GLIS3: variants seen among roughly 807,000 people sequenced by gnomAD.
GLIS3 encodes the protein GLIS family zinc finger 3.
GLIS3 carries 53 observed loss-of-function variants against 78.6 expected under a neutral mutation model. The ratio of observed to expected loss-of-function variants is 0.67; its 90% CI spans 0.54 to 0.85. The LOEUF is 0.85. Among genes scored for constraint, GLIS3 ranks in the 40% least tolerant of loss-of-function variants. The pLI is 0.00. For missense variants in GLIS3, 1,703 were observed against 1,231.1 expected (o/e 1.38, Z -5.74); for synonymous variants, 684 against 509.9 (o/e 1.34, Z -4.60).
At chr9:4,355,622 C>T in the GLIS3 span, among the ~76,000 whole-genome samples, 1 of 152,172 alleles carries the variant, frequency 6.6e-6, no homozygotes, top group Non-Finnish European at 1.5e-5. Flanking sequence ...CAAGCTTTAT[C>T]ACCTTTGGAA....
intron 2 of GLIS3, among the ~76,000 whole-genome samples, chr9:4,229,293 C>G (rs563525382): frequency 2.1e-4 from 32 of 152,260 alleles, no homozygotes; most frequent in African/African-American, 7.7e-4. Flanking sequence ...CACATACTTT[C>G]AAAAGATTTT....
chr9:4,379,104 C>T, the GLIS3 span, among the ~76,000 whole-genome samples: 2 of 152,174 alleles, frequency 1.3e-5, no homozygotes, highest in Admixed American at 6.5e-5. Context: ...TGTTATCCAT[C>T]CCACCACCAC....
At chr9:4,250,158 C>G (rs1222448674) in intron 2 of GLIS3, among the ~76,000 whole-genome samples, 2 of 152,170 alleles carry the variant, frequency 1.3e-5, no homozygotes, top group South Asian at 4.1e-4. Context: ...AGGATTCCCT[C>G]TTTTTCTATT....
upstream of GLIS3, among the ~76,000 whole-genome samples, chr9:4,305,051 C>T (rs541357128): frequency 1.3e-5 from 2 of 152,242 alleles, no homozygotes; most frequent in South Asian, 4.1e-4. Flanking sequence ...TCACTTCATT[C>T]TCACAACATC....
At chr9:3,953,253 C>A (rs1304422031) in intron 4 of GLIS3, among the ~76,000 whole-genome samples, 2 of 152,116 alleles carry the variant, frequency 1.3e-5, no homozygotes, top group Non-Finnish European at 1.5e-5. Context: ...ATGATAGAAT[C>A]TTTTGAGAAT....
At chr9:4,462,781 A>G in the GLIS3 span, among the ~76,000 whole-genome samples, 4 of 152,146 alleles carry the variant, frequency 2.6e-5, no homozygotes, top group Admixed American at 2.0e-4. Flanking sequence ...CTGTGCTCCA[A>G]TCTGAGCAAC....
chr9:4,036,920 G>C (rs1371166342), intron 4 of GLIS3, among the ~76,000 whole-genome samples: 1 of 152,118 alleles, frequency 6.6e-6, no homozygotes, highest in Non-Finnish European at 1.5e-5. Context: ...AAAATAAAAG[G>C]GGCAGACCGC....
intron 4 of GLIS3, among the ~76,000 whole-genome samples, chr9:4,081,645 G>A (rs538859789): frequency 6.6e-6 from 1 of 152,208 alleles, no homozygotes; most frequent in South Asian, 2.1e-4. Context: ...TGATTTGGAG[G>A]GACTGTAATA....
At chr9:4,278,297 T>G (rs1827211846) in intron 2 of GLIS3, among the ~76,000 whole-genome samples, 2 of 152,208 alleles carry the variant, frequency 1.3e-5, no homozygotes, top group African/African-American at 4.8e-5. Context: ...TCAGCCAGTT[T>G]TCCAGATATT....
chr9:4,168,965 T>C (rs1380902380), intron 2 of GLIS3, among the ~76,000 whole-genome samples: 7 of 152,238 alleles, frequency 4.6e-5, no homozygotes, highest in Non-Finnish European at 8.8e-5. Context: ...ATGAGTTATT[T>C]AACTTATAAC....
rs1266357336 is a variant in GLIS3 at position 3,824,535 on chromosome 9, TAAAAA to T, written c.*3732_*3736del. On this transcript the variant is annotated 3_prime_UTR_variant, in exon 11 of 11. Coordinates refer to ENST00000381971, the MANE Select transcript of GLIS3 (RefSeq NM_001042413.2). ...CAATCCCTTCATTTTACTTTTGACA[TAAAAA>T]AAGGACTTCATGAACAAGACAAAAT... is the stretch of plus-strand genomic sequence containing the variant. 1 of 152,074 alleles carries T rather than the reference TAAAAA, an allele frequency of 6.6e-6. No individual in the cohort carries two copies. The highest frequency in any genetic ancestry group is 1.5e-5 in the Non-Finnish European group (1 of 67,982). 9.4% of individuals were successfully genotyped at this position (152,074 alleles called of 1,614,324 possible).
intron 6 of GLIS3, among the ~76,000 whole-genome samples, chr9:3,914,260 C>G (rs548434775): frequency 3.1e-4 from 47 of 152,206 alleles, no homozygotes; most frequent in African/African-American, 1.0e-3. Context: ...ATCCTCCCAT[C>G]TCAGCCTCCT....
At chr9:4,100,962 G>C (rs1830326170) in intron 4 of GLIS3, among the ~76,000 whole-genome samples, 1 of 152,140 alleles carries the variant, frequency 6.6e-6, no homozygotes, top group South Asian at 2.1e-4. Context: ...ATAATAGCCA[G>C]CCCTGGTGTG....
At chr9:4,208,726 T>C (rs1586982454) in intron 2 of GLIS3, among the ~76,000 whole-genome samples, 1 of 152,228 alleles carries the variant, frequency 6.6e-6, no homozygotes, top group East Asian at 1.9e-4. Flanking sequence ...TCTAACTCTG[T>C]GTGACAAAGA....
At chr9:4,123,928 T>A in intron 3 of GLIS3, 1 of 394,492 alleles carries the variant, frequency 2.5e-6, no homozygotes, top group Non-Finnish European at 4.5e-6. Context: ...AACTGGACAG[T>A]TCATGCCCCC....
intron 2 of GLIS3, among the ~76,000 whole-genome samples, chr9:4,180,036 G>C (rs1339166552): frequency 6.6e-6 from 1 of 152,012 alleles, no homozygotes; most frequent in African/African-American, 2.4e-5. Context: ...CATTGTTTAT[G>C]CCATTTGACG....
At chr9:3,866,409 C>T (rs933125587) in intron 8 of GLIS3, among the ~76,000 whole-genome samples, 3 of 152,088 alleles carry the variant, frequency 2.0e-5, no homozygotes, top group Non-Finnish European at 2.9e-5. Context: ...TGCAGTGAGC[C>T]GAGATCACGC....
the GLIS3 span, among the ~76,000 whole-genome samples, chr9:4,469,835 T>G: frequency 1.3e-4 from 19 of 151,956 alleles, no homozygotes; most frequent in Non-Finnish European, 2.2e-4. Flanking sequence ...AAAAAATCAA[T>G]GAATCTAGGA....
chr9:4,101,497 T>C (rs1830368369), intron 4 of GLIS3, among the ~76,000 whole-genome samples: 1 of 152,206 alleles, frequency 6.6e-6, no homozygotes, highest in African/African-American at 2.4e-5. Flanking sequence ...TTGCTACTAG[T>C]TGTTCTAAAC....
Sources: gnomAD v4.1 joint callset for allele counts (sites outside exome capture counted in the v4.1 genomes callset) on GRCh38, gnomAD v4.1.1 for gene constraint, MANE v1.5 for transcripts, NCBI Gene and HGNC (gene_info 2026-07-23, HGNC 2026-07-21) for gene names.